Variants in CABCOCO1 observed in about 807,000 individuals in gnomAD.
CABCOCO1 encodes ciliary-associated calcium-binding coiled-coil protein 1.
A neutral mutation model predicts 35.7 loss-of-function variants in CABCOCO1; 28 were observed. The observed-to-expected ratio is 0.78, with a 90% CI of 0.58 to 1.07. The LOEUF (loss-of-function observed/expected upper bound fraction) is 1.07. Among genes scored for constraint, CABCOCO1 ranks in the 50% least tolerant of loss-of-function variants. The probability of loss-of-function intolerance (pLI) is 0.00; values close to 1 mark genes in which losing one functional copy is unlikely to be tolerated. For missense variants in CABCOCO1, 326 were observed against 309.2 expected (o/e 1.05, Z -0.41); for synonymous variants, 95 against 100.1 (o/e 0.95, Z 0.30).
chr10:61,736,224 G>C (rs1199521218), intron 5 of CABCOCO1, among the ~76,000 whole-genome samples: 3 of 151,806 alleles, frequency 2.0e-5, no homozygotes, highest in Admixed American at 2.0e-4. Context: ...TCATTCCTAG[G>C]TCCAGGATGG....
In CABCOCO1 at chr10:61,724,643, T is replaced by A. The variant is rs565142755; in HGVS notation, c.552+34022T>A. Among the ~76,000 whole-genome samples the A allele has an allele frequency of 6.6e-5, 10 of 152,332 alleles. No individual in the cohort carries two copies. The East Asian group carries it at 1.2e-3, about 18-fold the overall frequency. ...TGGGAAGGCCTTTGAAAATGTCTCA[T>A]CAGCCACAAAGGAAAAGATGGATAA... On this transcript the variant is annotated intron_variant, in intron 5 of 7. Coordinates refer to ENST00000648843, the MANE Select transcript of CABCOCO1 (RefSeq NM_001366906.2).
chr10:61,764,989 A>G (rs1370469981), intron 7 of CABCOCO1, among the ~76,000 whole-genome samples: 1 of 152,164 alleles, frequency 6.6e-6, no homozygotes, highest in East Asian at 1.9e-4. Flanking sequence ...GATTTTTTTA[A>G]ATGTCTTCTA....
At chr10:61,703,227 GACACACACACACACAC>G (rs35152499) in intron 5 of CABCOCO1, among the ~76,000 whole-genome samples, 274 of 141,584 alleles carry the variant, frequency 1.9e-3, no homozygotes, top group African/African-American at 6.6e-3. Context: ...CTTGTGAGGA[GACACACACACACACAC>G]ACACACACAC....
chr10:61,759,762 C>G (rs1159134811), intron 5 of CABCOCO1, among the ~76,000 whole-genome samples: 1 of 151,942 alleles, frequency 6.6e-6, no homozygotes, highest in Non-Finnish European at 1.5e-5. Flanking sequence ...GGCTTGTAGT[C>G]AGGAGAAGGG....
chr10:61,765,897 A>G (rs1314820456), intron 7 of CABCOCO1, 42 bp from the exon 8 acceptor site: 1 of 1,550,042 alleles, frequency 6.5e-7, no homozygotes, highest in South Asian at 1.1e-5. Context: ...GCAGCAAAAG[A>G]TAGCTCCATC....
intron 3 of CABCOCO1, among the ~76,000 whole-genome samples, chr10:61,683,283 G>A (rs1392079146): frequency 6.6e-6 from 1 of 152,136 alleles, no homozygotes; most frequent in Non-Finnish European, 1.5e-5. Context: ...AGTGAGGCCA[G>A]GTGTAGTGGC....
chr10:61,755,210 A>T (rs1841873114), intron 5 of CABCOCO1, among the ~76,000 whole-genome samples: 1 of 152,116 alleles, frequency 6.6e-6, no homozygotes, highest in Non-Finnish European at 1.5e-5. Flanking sequence ...GTATGACATT[A>T]CTAGAGTTTA....
chr10:61,680,539 G>A lies in CABCOCO1; in HGVS notation c.165-604G>A, dbSNP rs542038417. On this transcript the variant is annotated intron_variant, in intron 2 of 7. Coordinates refer to ENST00000648843, the MANE Select transcript of CABCOCO1 (RefSeq NM_001366906.2). ...TATAACATATTATATGTTATATTAT[G>A]TTATATATAACATATAATATATATT... Among the ~76,000 whole-genome samples, 264 of 127,760 alleles carry A rather than the reference G, an allele frequency of 2.1e-3. 10 individuals are homozygous for A. The highest frequency in any genetic ancestry group is 7.0e-3 in the African/African-American group (241 of 34,670). 83.8% of individuals were successfully genotyped at this position (127,760 alleles called of 152,430 possible). A position where few individuals can be genotyped will look rare whatever the true frequency, so the allele number is the denominator to read the frequency against.
rs75266476 is a variant in CABCOCO1, at chr10:61,766,033, T to C, written c.*20T>C. ...GCCTAAGGACTTGGTACAAGGAGAGTGATGCTAAACTTCACAGAAACAAAC... is the reference window on the plus strand; with the variant it reads ...GCCTAAGGACTTGGTACAAGGAGAGCGATGCTAAACTTCACAGAAACAAAC... On this transcript the variant is annotated 3_prime_UTR_variant, in exon 8 of 8. Transcript: ENST00000648843. The C allele has an allele frequency of 1.4e-3, 2,289 of 1,597,824 alleles. 14 individuals are homozygous for C. The African/African-American group carries it at 0.021, about 14-fold the overall frequency.
chr10:61,761,199 A>T (rs1842002531), intron 7 of CABCOCO1, among the ~76,000 whole-genome samples, 196 bp downstream of exon 7: 1 of 151,858 alleles, frequency 6.6e-6, no homozygotes, highest in Non-Finnish European at 1.5e-5. Flanking sequence ...TTCCAACAGC[A>T]TCTAGTGTGG....
intron 2 of CABCOCO1, among the ~76,000 whole-genome samples, chr10:61,680,603 TATAACATGTTATAC>T (rs1162826985): frequency 2.2e-4 from 3 of 13,550 alleles, no homozygotes; most frequent in Non-Finnish European, 4.8e-4. Context: ...GTTATACATG[TATAACATGTTATAC>T]ATAACATATA....
At position 61,686,143 on chromosome 10, in the gene CABCOCO1, A is replaced by G; in HGVS notation, c.437A>G (p.Asp146Gly). Residue 146 changes from aspartate (D) to glycine (G), a missense_variant, in exon 4 of 8, where the codon GAT becomes GGT. By Grantham distance (94) the Asp-to-Gly change is moderately conservative. Coordinates refer to ENST00000648843, the MANE Select transcript of CABCOCO1 (RefSeq NM_001366906.2). The part of the protein sequence containing the change: ...SQKSEDWNIF[D>G]VKQANAIIDY... ...AAGAGTGAGGACTGGAATATCTTTG[A>G]TGTAAAACAAGCCAATGCTATCATT... The G allele has an allele frequency of 6.3e-7, 1 of 1,596,158 alleles. No individual in the cohort carries two copies. The highest frequency in any genetic ancestry group is 8.5e-7 in the Non-Finnish European group (1 of 1,175,040).
chr10:61,679,524 C>T lies in CABCOCO1; in HGVS notation c.165-1619C>T, dbSNP rs904362500. Among the ~76,000 whole-genome samples the T allele has an allele frequency of 5.3e-5, 8 of 151,772 alleles. No individual in the cohort carries two copies. In the East Asian group the frequency reaches 1.3e-3, roughly 26 times the overall value. ...CATTCTTTTCTTTCTTTTTCCTTAC[C>T]AATTAAAAAAAATAAATAAATGCTA... is the stretch of plus-strand genomic sequence containing the variant. On this transcript the variant is annotated intron_variant, in intron 2 of 7. Coordinates refer to ENST00000648843, the MANE Select transcript of CABCOCO1 (RefSeq NM_001366906.2).
At chr10:61,664,453 G>GAA (rs139899765) in intron 1 of CABCOCO1, among the ~76,000 whole-genome samples, 2 of 151,616 alleles carry the variant, frequency 1.3e-5, no homozygotes, top group Non-Finnish European at 2.9e-5. Context: ...TATGCTTCAG[G>GAA]AAAAAAAATC....
At position 61,679,329 on chromosome 10, in the gene CABCOCO1, C is replaced by CTATATCTATATCTATCTA. The variant is rs60971419; in HGVS notation, c.165-1811_165-1810insATCTATATCTATCTATAT. 3.9e-3 allele frequency among the ~76,000 whole-genome samples: 555 copies of CTATATCTATATCTATCTA among 142,794 alleles called. 4 individuals are homozygous for CTATATCTATATCTATCTA. Among genetic ancestry groups the CTATATCTATATCTATCTA allele is most frequent in the South Asian group, 7.6e-3 (33 of 4,350 alleles). 93.7% of individuals were successfully genotyped at this position (142,794 alleles called of 152,430 possible). ...TCTATATCTATATCTATATCTATAT[C>CTATATCTATATCTATCTA]TATCTATATCTATCTATCTATCTGC... On this transcript the variant is annotated intron_variant, in intron 2 of 7. Coordinates refer to ENST00000648843, the MANE Select transcript of CABCOCO1 (RefSeq NM_001366906.2).
At chr10:61,720,188 G>C (rs2132039894) in intron 5 of CABCOCO1, among the ~76,000 whole-genome samples, 1 of 152,144 alleles carries the variant, frequency 6.6e-6, no homozygotes, top group Middle Eastern at 3.4e-3. Context: ...GACACACTCT[G>C]AGATGTGGTC....
chr10:61,679,386 C>A (rs1299348495), intron 2 of CABCOCO1, among the ~76,000 whole-genome samples: 1 of 152,016 alleles, frequency 6.6e-6, no homozygotes, highest in African/African-American at 2.4e-5. Context: ...CCTTAAAGTA[C>A]CATTCCAGGA....
chr10:61,724,162 A>G (rs1330535259), intron 5 of CABCOCO1, among the ~76,000 whole-genome samples: 1 of 152,224 alleles, frequency 6.6e-6, no homozygotes, highest in Non-Finnish European at 1.5e-5. Flanking sequence ...ATAAAGGAAG[A>G]CTTTAACAAA....
chr10:61,735,967 G>GTATC (rs1329683594), intron 5 of CABCOCO1, among the ~76,000 whole-genome samples: 1 of 152,042 alleles, frequency 6.6e-6, no homozygotes, highest in African/African-American at 2.4e-5. Context: ...CTTTTGAGAG[G>GTATC]TATCTGTTCA....
Sources: gnomAD v4.1 joint callset for allele counts (sites outside exome capture counted in the v4.1 genomes callset) on GRCh38, gnomAD v4.1.1 for gene constraint, MANE v1.5 for transcripts, NCBI Gene and HGNC (gene_info 2026-07-23, HGNC 2026-07-21) for gene names.